The following MMP16 variants were observed in gnomAD, a reference collection of about 807,000 sequenced individuals.
MMP16 encodes matrix metalloproteinase-16.
Under a neutral mutation model 67.8 loss-of-function variants are expected in MMP16, and 12 were observed. The ratio of observed to expected loss-of-function variants is 0.18; its 90% CI spans 0.11 to 0.29. The LOEUF (loss-of-function observed/expected upper bound fraction) is 0.29. MMP16 is among the 10% of genes least tolerant of loss of function. The probability of loss-of-function intolerance (pLI) is 1.00; values close to 1 mark genes in which losing one functional copy is unlikely to be tolerated. For synonymous variants in MMP16, 249 were observed against 255.9 expected, an observed-to-expected ratio of 0.97 and a Z score of 0.26; for missense variants, 475 against 765.7, an observed-to-expected ratio of 0.62 and a Z score of 4.48.
chr8:88,181,116 A>G (rs1808973597), intron 3 of MMP16, among the ~76,000 whole-genome samples: 1 of 152,134 alleles, frequency 6.6e-6, no homozygotes, highest in Non-Finnish European at 1.5e-5. Flanking sequence ...ATTTTTCCTA[A>G]GATCAGAAAA....
intron 6 of MMP16, among the ~76,000 whole-genome samples, chr8:88,089,475 G>A (rs774691269): frequency 2.0e-5 from 3 of 151,798 alleles, no homozygotes; most frequent in Non-Finnish European, 4.4e-5. Context: ...GGGAAGGAAT[G>A]GCAATTCTAA....
At chr8:88,147,502 C>T (rs1808313650) in intron 4 of MMP16, among the ~76,000 whole-genome samples, 1 of 151,976 alleles carries the variant, frequency 6.6e-6, no homozygotes, top group African/African-American at 2.4e-5. Context: ...CCTTATACTT[C>T]ATGTCTCAGA....
At chr8:88,107,529 T>TGAGTA (rs1401000839) in intron 6 of MMP16, among the ~76,000 whole-genome samples, 1 of 151,150 alleles carries the variant, frequency 6.6e-6, no homozygotes, top group African/African-American at 2.4e-5. Context: ...TATTTTCTCC[T>TGAGTA]GAGTAGTGGA....
Position 88,085,393 on chromosome 8 carries a change from G to A in MMP16, c.1084-10650C>T. On this transcript the variant is annotated intron_variant, in intron 6 of 9. Coordinates refer to ENST00000286614, the MANE Select transcript of MMP16 (RefSeq NM_005941.5). The stretch of plus-strand genomic sequence containing the variant: ...GAAAACCTGTTCAAAGCAACCATTA[G>A]AATACACTTTTTCACTAAGACAGTC... Among the ~76,000 whole-genome samples the A allele has an allele frequency of 1.3e-5, 2 of 152,000 alleles. 1 individual carries two copies.
chr8:88,073,096 C>T (rs1290318690), intron 7 of MMP16, among the ~76,000 whole-genome samples: 2 of 152,148 alleles, frequency 1.3e-5, no homozygotes. Context: ...GGGACGGTCC[C>T]CAAGTGGAAG....
intron 4 of MMP16, among the ~76,000 whole-genome samples, chr8:88,132,258 T>C (rs1586167223): frequency 1.3e-5 from 2 of 151,964 alleles, no homozygotes; most frequent in Admixed American, 1.3e-4. Flanking sequence ...CTCTTTAAAA[T>C]ACGATTTTTC....
intron 2 of MMP16, among the ~76,000 whole-genome samples, chr8:88,191,977 A>T (rs145909477): frequency 6.6e-6 from 1 of 152,342 alleles, no homozygotes; most frequent in Non-Finnish European, 1.5e-5. Context: ...CATATGTTGT[A>T]CTTTATCAAC....
intron 1 of MMP16, among the ~76,000 whole-genome samples, chr8:88,209,849 T>C (rs1809486177): frequency 6.6e-6 from 1 of 152,182 alleles, no homozygotes; most frequent in African/African-American, 2.4e-5. Flanking sequence ...ACTTTGTTTA[T>C]CCATTCATCT....
At chr8:88,237,576 G>A (rs1457081058) in intron 1 of MMP16, among the ~76,000 whole-genome samples, 1 of 152,046 alleles carries the variant, frequency 6.6e-6, no homozygotes, top group East Asian at 1.9e-4. Flanking sequence ...GGGAACCCGG[G>A]AGGCGGAGCT....
chr8:88,074,581 G>A, intron 7 of MMP16, 24 bp downstream of exon 7: 2 of 1,609,738 alleles, frequency 1.2e-6, no homozygotes, highest in African/African-American at 1.3e-5. Flanking sequence ...ATACAACATA[G>A]CCAGATATGG....
chr8:88,247,766 C>T (rs906744538), intron 1 of MMP16, among the ~76,000 whole-genome samples: 6 of 152,180 alleles, frequency 3.9e-5, no homozygotes, highest in African/African-American at 1.4e-4. Flanking sequence ...CTGCTTTGTA[C>T]ACATCTTTAA....
intron 2 of MMP16, among the ~76,000 whole-genome samples, chr8:88,196,596 A>G (rs1809260906): frequency 6.6e-6 from 1 of 152,212 alleles, no homozygotes; most frequent in Non-Finnish European, 1.5e-5. Context: ...TGTGATAACA[A>G]GAAATTGAAA....
intron 1 of MMP16, among the ~76,000 whole-genome samples, chr8:88,298,620 T>C (rs1811047573): frequency 6.6e-6 from 1 of 152,090 alleles, no homozygotes; most frequent in Non-Finnish European, 1.5e-5. Flanking sequence ...CAAACAATCA[T>C]CACTTTAGGC....
chr8:88,133,729 T>C (rs1164046154), intron 4 of MMP16, among the ~76,000 whole-genome samples: 1 of 151,828 alleles, frequency 6.6e-6, no homozygotes, highest in Non-Finnish European at 1.5e-5. Context: ...AGAACCTGAA[T>C]TAACAATGTG....
chr8:88,257,412 G>A (rs1006103718), intron 1 of MMP16, among the ~76,000 whole-genome samples: 1 of 152,164 alleles, frequency 6.6e-6, no homozygotes, highest in Non-Finnish European at 1.5e-5. Context: ...TGAAGTATGT[G>A]CAAAAAATGT....
intron 1 of MMP16, among the ~76,000 whole-genome samples, chr8:88,253,922 C>A (rs1810264068): frequency 6.6e-6 from 1 of 151,870 alleles, no homozygotes; most frequent in South Asian, 2.1e-4. Context: ...AAGCCTCCTG[C>A]CTTGAGATAC....
intron 4 of MMP16, among the ~76,000 whole-genome samples, chr8:88,120,845 T>C (rs2664362): frequency 1 from 151,913 of 151,980 alleles, 75,923 homozygotes; most frequent in Non-Finnish European, 1. Context: ...TTTTAATCTT[T>C]ACAGGGAAAA....
chr8:88,212,804 T>A (rs1218119243), intron 1 of MMP16, among the ~76,000 whole-genome samples: 3 of 152,138 alleles, frequency 2.0e-5, no homozygotes, highest in African/African-American at 4.8e-5. Flanking sequence ...GAGGTGCACA[T>A]AAAATACTGG....
At chr8:88,143,305 A>G (rs542304637) in intron 4 of MMP16, among the ~76,000 whole-genome samples, 3 of 152,228 alleles carry the variant, frequency 2.0e-5, no homozygotes, top group South Asian at 2.1e-4. Flanking sequence ...ATTAAATTAT[A>G]TAAGTTGATA....
Sources: allele counts gnomAD v4.1 joint callset (sites outside exome capture counted in the v4.1 genomes callset), GRCh38; gene constraint gnomAD v4.1.1; transcripts MANE v1.5; gene names NCBI Gene and HGNC (gene_info 2026-07-23, HGNC 2026-07-21).